The following PASD1 variants were observed in gnomAD, a reference collection of about 807,000 sequenced individuals.
The protein encoded by PASD1 is circadian clock protein PASD1.
A neutral mutation model predicts 58.8 loss-of-function variants in PASD1; 13 were observed. The observed-to-expected ratio is 0.22, with a 90% CI of 0.14 to 0.35. The LOEUF (loss-of-function observed/expected upper bound fraction) is 0.35, where lower values mean the gene tolerates loss of function less well. PASD1 is among the 10% of genes least tolerant of loss of function. The pLI is 1.00. For missense variants in PASD1, 734 were observed against 568.3 expected (o/e 1.29, Z -2.96); for synonymous variants, 236 against 216.7 (o/e 1.09, Z -0.78).
chrX:151,668,019 C>G (rs948137611), intron 11 of PASD1, among the ~76,000 whole-genome samples: 3 of 111,163 alleles, frequency 2.7e-5, no homozygotes, highest in African/African-American at 9.8e-5. Context: ...CCTGATTGCC[C>G]TGGCCAGAAC....
At chrX:151,611,367 T>G (rs2013555306) in intron 3 of PASD1, among the ~76,000 whole-genome samples, 1 of 111,920 alleles carries the variant, frequency 8.9e-6, no homozygotes, top group South Asian at 3.8e-4. Context: ...TGAAACAACC[T>G]ACACATGGAA....
intron 3 of PASD1, among the ~76,000 whole-genome samples, chrX:151,607,899 T>C (rs1307431055): frequency 1.8e-5 from 2 of 111,597 alleles, no homozygotes; most frequent in Non-Finnish European, 3.8e-5. Flanking sequence ...CCTGGCTTGA[T>C]TGAGGGTGGG....
chrX:151,649,109 G>A (rs1332181320), intron 9 of PASD1, among the ~76,000 whole-genome samples: 1 of 111,902 alleles, frequency 8.9e-6, no homozygotes, highest in African/African-American at 3.3e-5. Flanking sequence ...GATATGACTA[G>A]AAAGAATCCT....
At chrX:151,625,040 A>AGCACAAGGAACTCTAT (rs1185875643) in intron 7 of PASD1, among the ~76,000 whole-genome samples, 1 of 112,184 alleles carries the variant, frequency 8.9e-6, no homozygotes, top group African/African-American at 3.2e-5. Context: ...TAGCCCTTAC[A>AGCACAAGGAACTCTAT]GCACAAGGAA....
intron 1 of PASD1, among the ~76,000 whole-genome samples, chrX:151,572,464 G>A (rs915250723): frequency 7.1e-5 from 8 of 111,944 alleles, no homozygotes; most frequent in African/African-American, 2.3e-4. Flanking sequence ...AAATTCCTAC[G>A]GCATCAAGTA....
At chrX:151,611,218 A>G (rs975386697) in intron 3 of PASD1, among the ~76,000 whole-genome samples, 10 of 112,032 alleles carry the variant, frequency 8.9e-5, no homozygotes, top group African/African-American at 3.2e-4. Flanking sequence ...ACCAGGAGGC[A>G]TTTGTCTGGC....
chrX:151,632,198 AT>A (rs1465610512), intron 8 of PASD1, among the ~76,000 whole-genome samples: 1 of 110,761 alleles, frequency 9.0e-6, no homozygotes, highest in Non-Finnish European at 1.9e-5. Context: ...TTGAAATGGC[AT>A]TTTATAGGTT....
intron 11 of PASD1, among the ~76,000 whole-genome samples, chrX:151,668,981 G>GT (rs2014425879): frequency 9.4e-6 from 1 of 106,853 alleles, no homozygotes; most frequent in Admixed American, 1.0e-4. Flanking sequence ...GCCTCAAGCA[G>GT]TTCTCCCACG....
At chrX:151,587,305 T>C (rs1402217045) in intron 1 of PASD1, among the ~76,000 whole-genome samples, 1 of 108,031 alleles carries the variant, frequency 9.3e-6, no homozygotes, top group African/African-American at 3.4e-5. Context: ...CAGCAAACTT[T>C]GACCATTTGC....
intron 1 of PASD1, among the ~76,000 whole-genome samples, chrX:151,565,563 T>G (rs1285029702): frequency 3.0e-5 from 3 of 101,263 alleles, no homozygotes; most frequent in Non-Finnish European, 6.0e-5. Context: ...CCTTACTTTT[T>G]TTTTTTTTTT....
chrX:151,624,256 G>T (rs770775175), intron 7 of PASD1, among the ~76,000 whole-genome samples: 2 of 111,364 alleles, frequency 1.8e-5, no homozygotes, highest in Non-Finnish European at 3.8e-5. Context: ...ATCTCGTGGA[G>T]GATTTTTAGC....
intron 9 of PASD1, among the ~76,000 whole-genome samples, chrX:151,654,404 T>C (rs2014210256): frequency 9.0e-6 from 1 of 111,520 alleles, no homozygotes. Flanking sequence ...ATCATCAGCA[T>C]GGATGGTCTT....
chrX:151,634,579 TC>T (rs994809438), intron 8 of PASD1, among the ~76,000 whole-genome samples: 1 of 111,356 alleles, frequency 9.0e-6, no homozygotes, highest in African/African-American at 3.3e-5. Flanking sequence ...TTCCCAGACT[TC>T]CTTTGATATT....
chrX:151,598,157 G>T (rs1397800577), intron 1 of PASD1, among the ~76,000 whole-genome samples: 1 of 112,099 alleles, frequency 8.9e-6, no homozygotes, highest in Non-Finnish European at 1.9e-5. Context: ...TGTAATATGT[G>T]GTATACTTGT....
chrX:151,600,109 C>G (rs1012371580), intron 1 of PASD1, among the ~76,000 whole-genome samples: 1 of 111,986 alleles, frequency 8.9e-6, no homozygotes, highest in Non-Finnish European at 1.9e-5. Flanking sequence ...CCAAAAAATA[C>G]GAAAACCAGT....
chrX:151,622,189 G>A (rs1264700387), intron 6 of PASD1, among the ~76,000 whole-genome samples: 3 of 111,020 alleles, frequency 2.7e-5, no homozygotes, highest in African/African-American at 9.8e-5. Flanking sequence ...TGTGGATATA[G>A]GGTCCATTTT....
At chrX:151,568,868 G>C (rs773815404) in intron 1 of PASD1, among the ~76,000 whole-genome samples, 4 of 111,240 alleles carry the variant, frequency 3.6e-5, no homozygotes, top group Non-Finnish European at 7.5e-5. Context: ...TTCTCCATCC[G>C]TGTGGTATCT....
At chrX:151,619,449 C>T (rs768745775) in intron 4 of PASD1, among the ~76,000 whole-genome samples, 3 of 111,109 alleles carry the variant, frequency 2.7e-5, no homozygotes, top group South Asian at 7.6e-4. Context: ...GAAGAGACCA[C>T]GTAGGGAAAC....
chrX:151,622,645 A>G (rs1485601971), intron 6 of PASD1, among the ~76,000 whole-genome samples: 5 of 109,018 alleles, frequency 4.6e-5, no homozygotes, highest in African/African-American at 1.0e-4. Context: ...CATATGGTCT[A>G]TATAAAAGAG....
Sources: gnomAD v4.1 joint callset for allele counts (sites outside exome capture counted in the v4.1 genomes callset) on GRCh38, gnomAD v4.1.1 for gene constraint, MANE v1.5 for transcripts, NCBI Gene and HGNC (gene_info 2026-07-23, HGNC 2026-07-21) for gene names.